PARS2: variants seen among roughly 807,000 people sequenced by gnomAD.
PARS2 encodes probable proline--tRNA ligase, mitochondrial.
Under a neutral mutation model 27.4 loss-of-function variants are expected in PARS2, and 20 were observed. The observed-to-expected ratio is 0.73, with a 90% confidence interval of 0.51 to 1.06. The LOEUF (loss-of-function observed/expected upper bound fraction) is 1.06. Among genes scored for constraint, PARS2 ranks in the 50% least tolerant of loss-of-function variants. The pLI is 0.00. For synonymous variants in PARS2, 240 were observed against 247.1 expected (o/e 0.97, Z 0.27); for missense variants, 585 against 602.1 (o/e 0.97, Z 0.30).
chr1:54,760,628 G>C (rs1336913173), intron 1 of PARS2, among the ~76,000 whole-genome samples: 1 of 152,114 alleles, frequency 6.6e-6, no homozygotes, highest in East Asian at 1.9e-4. Flanking sequence ...AAGCACAGAT[G>C]CTAACAGCTT....
intron 1 of PARS2, among the ~76,000 whole-genome samples, chr1:54,764,246 G>A (rs941148234): frequency 1.1e-4 from 16 of 152,230 alleles, no homozygotes; most frequent in African/African-American, 3.9e-4. Flanking sequence ...CCGAGGGAGA[G>A]ACCAGGAAGT....
In PARS2 at chr1:54,758,527, A is replaced by C. The variant is rs377289123; in HGVS notation, c.635T>G (p.Phe212Cys). The C allele has an allele frequency of 2.5e-6, 4 of 1,614,078 alleles. No homozygotes were observed. The highest frequency in any genetic ancestry group is 1.7e-6 in the Non-Finnish European group (2 of 1,180,052). ...REFYMKDMYT[F>C]DSSPEAAQQT... The stretch of plus-strand genomic sequence containing the variant: ...CTGGGCAGCCTCTGGGGAGGAGTCA[A>C]AGGTGTACATATCCTTCATGTAAAA... Residue 212 changes from phenylalanine to cysteine, a missense_variant, in exon 2 of 2, where the codon TTT becomes TGT. Coordinates refer to ENST00000371279, the MANE Select transcript of PARS2 (RefSeq NM_152268.4).
In PARS2 at chr1:54,758,552, ACT is replaced by A; in HGVS notation, c.608_609del (p.Glu203ValfsTer10). The A allele has an allele frequency of 6.2e-7, 1 of 1,613,684 alleles. No individual in the cohort carries two copies. Among genetic ancestry groups the A allele is most frequent in the South Asian group, 1.1e-5 (1 of 91,042 alleles). On this transcript the variant is annotated frameshift_variant, in exon 2 of 2. Transcript: ENST00000371279. LOFTEE classifies it high-confidence loss of function. ...AAGGTGTACATATCCTTCATGTAAAACTCTCGGCCACGGAGAAGACCAAAGCG... is the reference window on the plus strand; with the variant it reads ...AAGGTGTACATATCCTTCATGTAAAACTCGGCCACGGAGAAGACCAAAGCG... ...RPRFGLLRGR[E>X]FYMKDMYTFD...
At chr1:54,759,593 T>A (rs1293586428) in intron 1 of PARS2, among the ~76,000 whole-genome samples, 2 of 152,182 alleles carry the variant, frequency 1.3e-5, no homozygotes, top group Non-Finnish European at 2.9e-5. Flanking sequence ...CTTCTAGGCT[T>A]ATTGTGGACA....
Position 54,758,249 on chromosome 1 carries a change from T to C in PARS2, c.913A>G (p.Ile305Val). 6.2e-7 allele frequency: 1 copy of C among 1,614,220 alleles called. No homozygotes were observed. The highest frequency in any genetic ancestry group is 1.1e-5 in the South Asian group (1 of 91,090). The change falls in exon 2 of 2, where the codon ATT becomes GTT. Residue 305 changes from isoleucine (I) to valine (V), a missense_variant. Physicochemically the swap from Ile to Val is conservative, Grantham distance 29. Transcript: ENST00000371279. ...CQGPLTKTKG[I>V]EVGHTFYLGT... ...AGGTAAAATGTGTGCCCCACCTCAA[T>C]GCCTTTGGTTTTAGTCAATGGGCCC...
At position 54,758,874 on chromosome 1, in the gene PARS2, A is replaced by C; in HGVS notation, c.288T>G (p.Arg96=). Residue 96 remains arginine, a synonymous_variant, in exon 2 of 2, where the codon CGT becomes CGG. Transcript: ENST00000371279. Reference sequence around the variant, plus strand: ...TCACTCGCACGAGCTTCTCCATGGCACGGACGGTATATGGCAGGAGGTGGT... The same window carrying C: ...TCACTCGCACGAGCTTCTCCATGGCCCGGACGGTATATGGCAGGAGGTGGT... ...GCYHLLPYTV[R]AMEKLVRVID... The C allele has an allele frequency of 6.2e-7, 1 of 1,614,162 alleles. No individual in the cohort carries two copies. The highest frequency in any genetic ancestry group is 8.5e-7 in the Non-Finnish European group (1 of 1,180,020).
At chr1:54,760,693 T>A (rs1199152565) in intron 1 of PARS2, among the ~76,000 whole-genome samples, 1 of 152,198 alleles carries the variant, frequency 6.6e-6, no homozygotes, top group Non-Finnish European at 1.5e-5. Flanking sequence ...AGCTTCTGAC[T>A]TTCAGGGTGT....
Position 54,758,627 on chromosome 1 carries a change from A to C in PARS2, c.535T>G (p.Phe179Val). 1.9e-6 allele frequency: 3 copies of C among 1,614,230 alleles called. No homozygotes were observed. The highest frequency in any genetic ancestry group is 1.7e-6 in the Non-Finnish European group (2 of 1,180,048). The change falls in exon 2 of 2, where the codon TTC (phenylalanine) becomes GTC (valine). Residue 179 changes from phenylalanine (F) to valine (V), a missense_variant. Physicochemically the swap from Phe to Val is conservative, Grantham distance 50. Transcript: ENST00000371279. Reference protein sequence around the residue: ...QKKLSYKQLPFLLYQVTRKFR... With the variant: ...QKKLSYKQLPVLLYQVTRKFR... Reference sequence around the variant, plus strand: ...TTCCTTGTCACTTGGTACAGCAGGAAGGGAAGCTGCTTGTAGGACAGTTTC... The same window carrying C: ...TTCCTTGTCACTTGGTACAGCAGGACGGGAAGCTGCTTGTAGGACAGTTTC...
Position 54,759,057 on chromosome 1 carries a change from T to C in PARS2, c.105A>G (p.Arg35=). The part of the protein sequence containing the change: ...VPCRFHHCAP[R]RGRRLLLSRV... ...GAGACAGCAGCAGGCGCCGCCCTCT[T>C]CTTGGGGCACAGTGGTGAAACCTGC... Residue 35 remains arginine (R), a synonymous_variant, in exon 2 of 2, where the codon AGA becomes AGG. Transcript: ENST00000371279. 1 of 1,613,680 alleles carries C rather than the reference T, an allele frequency of 6.2e-7. No homozygotes were observed. The highest frequency in any genetic ancestry group is 8.5e-7 in the Non-Finnish European group (1 of 1,180,000).
rs1646130881 is a variant in PARS2, at chr1:54,757,953, C to G, written c.1209G>C (p.Gln403His). The G allele has an allele frequency of 6.2e-7, 1 of 1,614,152 alleles. No homozygotes were observed. Among genetic ancestry groups the G allele is most frequent in the Non-Finnish European group, 8.5e-7 (1 of 1,180,010 alleles). Residue 403 changes from glutamine to histidine, a missense_variant, in exon 2 of 2, where the codon CAG becomes CAC. Transcript: ENST00000371279. ...CGTCCAGGAGCACCTCCCCGTGAAG[C>G]TGAGGCACTGCCTCTGTGATGTGGT... is the stretch of plus-strand genomic sequence containing the variant. The part of the protein sequence containing the change: ...LYDHITEAVP[Q>H]LHGEVLLDDR...
Position 54,759,331 on chromosome 1 carries a change from G to C in PARS2, c.-29-141C>G, listed in dbSNP as rs112003960. ...AAATCCTTCCATTTCTAATATCCTA[G>C]CAGATCAAAGCACTATTTCTCTAAC... On this transcript the variant is annotated intron_variant, in intron 1 of 1. Coordinates refer to ENST00000371279, the MANE Select transcript of PARS2 (RefSeq NM_152268.4). 666 of 567,554 alleles carry C rather than the reference G, an allele frequency of 1.2e-3. 3 individuals are homozygous for C. Among genetic ancestry groups the C allele is most frequent in the African/African-American group, 7.9e-3 (421 of 53,454 alleles). The allele number at this position is 567,554 out of a possible 1,614,324, so 35.2% of individuals were successfully genotyped here. A position where few individuals can be genotyped will look rare whatever the true frequency, so the allele number is the denominator to read the frequency against.
chr1:54,760,012 A>C (rs191997487), intron 1 of PARS2, among the ~76,000 whole-genome samples: 129 of 152,176 alleles, frequency 8.5e-4, no homozygotes, highest in African/African-American at 3.0e-3. Context: ...TCAAAGAAAA[A>C]AAAAAAGGAA....
chr1:54,761,002 C>T (rs1200139225), intron 1 of PARS2, among the ~76,000 whole-genome samples: 4 of 152,122 alleles, frequency 2.6e-5, no homozygotes. Context: ...ATGGTCTCGA[C>T]CTCCTGACCT....
intron 1 of PARS2, among the ~76,000 whole-genome samples, chr1:54,761,280 T>G (rs1378932523): frequency 6.6e-6 from 1 of 152,160 alleles, no homozygotes; most frequent in East Asian, 1.9e-4. Flanking sequence ...CATTTGGCTG[T>G]CTGTCTTCTC....
At chr1:54,759,239 A>AC in intron 1 of PARS2, 49 bp from the exon 2 acceptor site, 1 of 1,227,442 alleles carries the variant, frequency 8.1e-7, no homozygotes, top group South Asian at 1.6e-5. Context: ...GTGTTCCAAC[A>AC]CCATGAAGCA....
At chr1:54,760,987 C>T (rs1646152889) in intron 1 of PARS2, among the ~76,000 whole-genome samples, 1 of 152,188 alleles carries the variant, frequency 6.6e-6, no homozygotes, top group South Asian at 2.1e-4. Context: ...ACCGTGTTAG[C>T]CAGGATGGTC....
chr1:54,758,620 A>T lies in PARS2; in HGVS notation c.542T>A (p.Leu181Gln). The change falls in exon 2 of 2, where the codon CTG becomes CAG. Residue 181 changes from leucine to glutamine, a missense_variant. Physicochemically the swap from Leu to Gln is moderately radical, Grantham distance 113. Coordinates refer to ENST00000371279, the MANE Select transcript of PARS2 (RefSeq NM_152268.4). ...CCGAAACTTCCTTGTCACTTGGTAC[A>T]GCAGGAAGGGAAGCTGCTTGTAGGA... ...KLSYKQLPFL[L>Q]YQVTRKFRDE... The T allele has an allele frequency of 1.2e-6, 2 of 1,614,224 alleles. No individual in the cohort carries two copies. Among genetic ancestry groups the T allele is most frequent in the Non-Finnish European group, 1.7e-6 (2 of 1,180,042 alleles).
chr1:54,762,965 T>C (rs576027898), intron 1 of PARS2, among the ~76,000 whole-genome samples: 14 of 152,216 alleles, frequency 9.2e-5, no homozygotes, highest in East Asian at 7.7e-4. Flanking sequence ...ACCCAATCAC[T>C]CCCCTGTTTA....
chr1:54,758,118 C>A lies in PARS2; in HGVS notation c.1044G>T (p.Leu348Phe), dbSNP rs1227598437. The stretch of plus-strand genomic sequence containing the variant: ...TAGAGAGGACTTCAATGGCAGCAGC[C>A]AAGATCCGTGTCACACCCAAGCCAT... ...GCYGLGVTRI[L>F]AAAIEVLSTE... The change falls in exon 2 of 2, where the codon TTG (leucine) becomes TTT (phenylalanine). Residue 348 changes from leucine to phenylalanine, a missense_variant. Coordinates refer to ENST00000371279, the MANE Select transcript of PARS2 (RefSeq NM_152268.4). The A allele has an allele frequency of 1.2e-6, 2 of 1,614,158 alleles. No homozygotes were observed. Among genetic ancestry groups the A allele is most frequent in the Non-Finnish European group, 1.7e-6 (2 of 1,180,028 alleles).
Sources: allele counts gnomAD v4.1 joint callset (sites outside exome capture counted in the v4.1 genomes callset), GRCh38; gene constraint gnomAD v4.1.1; transcripts MANE v1.5; gene names NCBI Gene and HGNC (gene_info 2026-07-23, HGNC 2026-07-21).